Variants in RUNX1 observed in about 807,000 individuals in gnomAD.
RUNX1 encodes the protein RUNX family transcription factor 1, also known as runt-related transcription factor 1.
A neutral mutation model predicts 42.8 loss-of-function variants in RUNX1; 19 were observed. The observed-to-expected ratio is 0.44, with a 90% CI of 0.31 to 0.65. RUNX1 has a LOEUF of 0.65. RUNX1 is among the 30% of genes least tolerant of loss of function. RUNX1 has a pLI of 0.07. For synonymous variants in RUNX1, 271 were observed against 289.4 expected (o/e 0.94, Z 0.64); for missense variants, 528 against 672.0 (o/e 0.79, Z 2.37).
intron 2 of RUNX1, among the ~76,000 whole-genome samples, chr21:34,917,877 T>C (rs1452416660): frequency 2.6e-5 from 4 of 152,004 alleles, no homozygotes; most frequent in Non-Finnish European, 5.9e-5. Flanking sequence ...ATGCCTATAA[T>C]CCCAGCACTT....
At chr21:34,890,588 C>T (rs1439132947) in intron 3 of RUNX1, among the ~76,000 whole-genome samples, 2 of 152,186 alleles carry the variant, frequency 1.3e-5, no homozygotes, top group African/African-American at 4.8e-5. Context: ...GGCCTCAACC[C>T]TCTCCGCCTC....
intron 6 of RUNX1, among the ~76,000 whole-genome samples, chr21:34,858,307 A>G (rs2057523374): frequency 6.6e-6 from 1 of 152,104 alleles, no homozygotes; most frequent in Non-Finnish European, 1.5e-5. Context: ...CCATGCAGGG[A>G]AGGTCATCTA....
intron 2 of RUNX1, among the ~76,000 whole-genome samples, chr21:35,042,312 T>C (rs1054832017): frequency 1.3e-5 from 2 of 152,202 alleles, no homozygotes; most frequent in African/African-American, 4.8e-5. Flanking sequence ...AGGAAGAACA[T>C]AAAGTTTCTC....
In RUNX1 at chr21:34,880,672, A is replaced by T. The variant is rs746650216; in HGVS notation, c.393T>A (p.Thr131=). The change falls in exon 5 of 9, where the codon ACT becomes ACA. Residue 131 remains threonine, a synonymous_variant. Coordinates refer to ENST00000675419, the MANE Select transcript of RUNX1 (RefSeq NM_001754.5). ...LGDVPDGTLV[T]VMAGNDENYS... is the part of the protein sequence containing the mutation. ...AGTTTTCATCATTGCCAGCCATCAC[A>T]GTGACCAGAGTGCCATCTGGAACAT... is the stretch of plus-strand genomic sequence containing the variant. The T allele has an allele frequency of 6.2e-7, 1 of 1,614,154 alleles. No individual in the cohort carries two copies. The highest frequency in any genetic ancestry group is 8.5e-7 in the Non-Finnish European group (1 of 1,180,002).
At chr21:35,045,184 T>C (rs540806638) in intron 2 of RUNX1, among the ~76,000 whole-genome samples, 5 of 151,088 alleles carry the variant, frequency 3.3e-5, no homozygotes, top group African/African-American at 1.2e-4. Flanking sequence ...TGAGTTTAGA[T>C]AGTTTTATCA....
At chr21:34,964,203 G>C (rs944545967) in intron 2 of RUNX1, among the ~76,000 whole-genome samples, 8 of 152,190 alleles carry the variant, frequency 5.3e-5, no homozygotes. Flanking sequence ...AAGAAGTTCA[G>C]ATGGGACGGG....
intron 5 of RUNX1, among the ~76,000 whole-genome samples, chr21:34,873,709 A>G (rs1204806755): frequency 6.6e-6 from 1 of 152,230 alleles, no homozygotes; most frequent in African/African-American, 2.4e-5. Context: ...CATGCTGCCC[A>G]ATATAGACTA....
At position 34,799,410 on chromosome 21, in the gene RUNX1, T is replaced by C. The variant is rs2056576944; in HGVS notation, c.858A>G (p.Gln286=). The change falls in exon 8 of 9, where the codon CAA becomes CAG. Residue 286 remains glutamine, a synonymous_variant. Coordinates refer to ENST00000675419, the MANE Select transcript of RUNX1 (RefSeq NM_001754.5). ...AAGGAGAGGCAATGGATCCCAGGTA[T>C]TGGTAGGACTGATCGTAGGACCACG... ...SPPWSYDQSY[Q]YLGSIASPSV... The C allele has an allele frequency of 6.2e-7, 1 of 1,614,130 alleles. No individual in the cohort carries two copies. Among genetic ancestry groups the C allele is most frequent in the Non-Finnish European group, 8.5e-7 (1 of 1,180,006 alleles).
chr21:34,939,529 C>T (rs1424888728), intron 2 of RUNX1, among the ~76,000 whole-genome samples: 1 of 152,166 alleles, frequency 6.6e-6, no homozygotes, highest in Non-Finnish European at 1.5e-5. Flanking sequence ...CCTGCCATAT[C>T]AGAATGAGAG....
chr21:35,039,902 T>C (rs1432246529), intron 2 of RUNX1, among the ~76,000 whole-genome samples: 1 of 152,190 alleles, frequency 6.6e-6, no homozygotes, highest in African/African-American at 2.4e-5. Context: ...TAATAAATAA[T>C]AATAAACTAG....
chr21:35,024,029 A>T (rs1013263900), intron 2 of RUNX1, among the ~76,000 whole-genome samples: 3 of 151,842 alleles, frequency 2.0e-5, no homozygotes, highest in Non-Finnish European at 4.4e-5. Flanking sequence ...ATCAATAAAC[A>T]AATAAATATT....
At chr21:34,824,006 C>G (rs919266190) in intron 7 of RUNX1, among the ~76,000 whole-genome samples, 2 of 152,122 alleles carry the variant, frequency 1.3e-5, no homozygotes, top group Non-Finnish European at 2.9e-5. Flanking sequence ...CTAAAAATGA[C>G]CCTAAGGTTG....
chr21:35,004,442 A>G (rs763770377), intron 2 of RUNX1, among the ~76,000 whole-genome samples: 2 of 152,216 alleles, frequency 1.3e-5, no homozygotes, highest in Admixed American at 6.5e-5. Context: ...ATTATGGCAC[A>G]TCTCAAGGGA....
At chr21:34,933,602 T>C (rs2058464049) in intron 2 of RUNX1, among the ~76,000 whole-genome samples, 3 of 152,200 alleles carry the variant, frequency 2.0e-5, no homozygotes, top group African/African-American at 7.2e-5. Flanking sequence ...GTATAGTAGC[T>C]GAAAGTAGAG....
At chr21:35,035,749 C>A (rs142381769) in intron 2 of RUNX1, among the ~76,000 whole-genome samples, 1 of 152,306 alleles carries the variant, frequency 6.6e-6, no homozygotes, top group African/African-American at 2.4e-5. Flanking sequence ...CTCTCCCTCT[C>A]GTTTGACGCG....
At chr21:34,836,796 G>A (rs943332362) in intron 6 of RUNX1, among the ~76,000 whole-genome samples, 3 of 152,196 alleles carry the variant, frequency 2.0e-5, no homozygotes, top group African/African-American at 7.2e-5. Flanking sequence ...GGAGAGTGAT[G>A]TGAGCGAGGT....
chr21:34,996,189 T>G (rs1475306447), intron 2 of RUNX1, among the ~76,000 whole-genome samples: 2 of 152,156 alleles, frequency 1.3e-5, no homozygotes, highest in African/African-American at 4.8e-5. Flanking sequence ...ACCACCGCCC[T>G]GACCTATCCC....
chr21:34,894,991 A>G (rs60171366), intron 2 of RUNX1, among the ~76,000 whole-genome samples: 3,729 of 151,440 alleles, frequency 0.025, 98 homozygotes, highest in Middle Eastern at 0.12. Flanking sequence ...GATCATGATT[A>G]TTTTTGTGGC....
intron 2 of RUNX1, among the ~76,000 whole-genome samples, chr21:35,041,243 T>C (rs546412077): frequency 6.6e-6 from 1 of 152,368 alleles, no homozygotes; most frequent in Admixed American, 6.5e-5. Context: ...AGCTGCATAG[T>C]TCTCTCTCCC....
Sources: gnomAD v4.1 joint callset for allele counts (sites outside exome capture counted in the v4.1 genomes callset) on GRCh38, gnomAD v4.1.1 for gene constraint, MANE v1.5 for transcripts, NCBI Gene and HGNC (gene_info 2026-07-23, HGNC 2026-07-21) for gene names.